The following SPTLC1 variants were observed in gnomAD, a reference collection of about 807,000 sequenced individuals.
The protein encoded by SPTLC1 is serine palmitoyltransferase long chain base subunit 1, also known as serine palmitoyltransferase 1.
Under a neutral mutation model 68.9 loss-of-function variants are expected in SPTLC1, and 55 were observed. The ratio of observed to expected loss-of-function variants is 0.80; its 90% CI spans 0.64 to 1.00. The LOEUF (loss-of-function observed/expected upper bound fraction) is 1.00, where lower values mean the gene tolerates loss of function less well. Ranked by LOEUF, SPTLC1 falls within the 50% of genes least tolerant of loss-of-function variation. The probability of loss-of-function intolerance (pLI) is 0.00; values close to 1 mark genes in which losing one functional copy is unlikely to be tolerated. For missense variants in SPTLC1, 449 were observed against 573.1 expected, an observed-to-expected ratio of 0.78 and a Z score of 2.21; for synonymous variants, 197 against 201.6, an observed-to-expected ratio of 0.98 and a Z score of 0.19.
intron 12 of SPTLC1, among the ~76,000 whole-genome samples, chr9:92,045,473 T>C (rs903201116): frequency 7.4e-5 from 9 of 120,858 alleles, no homozygotes; most frequent in Non-Finnish European, 1.4e-4. Context: ...TGTGCATATG[T>C]ACCCTAAAAC....
chr9:92,043,155 G>A (rs940000532), intron 12 of SPTLC1, among the ~76,000 whole-genome samples: 14 of 152,062 alleles, frequency 9.2e-5, no homozygotes, highest in African/African-American at 2.4e-4. Flanking sequence ...TCTACATAAC[G>A]AAGTCAAAGG....
Position 92,037,308 on chromosome 9 carries a change from C to G in SPTLC1, c.1254+940G>C, listed in dbSNP as rs189660890. 1.4e-3 allele frequency among the ~76,000 whole-genome samples: 211 copies of G among 152,332 alleles called. 1 individual carries two copies. Among genetic ancestry groups the G allele is most frequent in the African/African-American group, 3.8e-3 (160 of 41,574 alleles). On this transcript the variant is annotated intron_variant, in intron 13 of 14. Coordinates refer to ENST00000262554, the MANE Select transcript of SPTLC1 (RefSeq NM_006415.4). ...CATTATGACCCCAGAAACCTAGTAG[C>G]ATTGCTCATAGCTACAGCCTCTGGA...
chr9:92,055,791 C>T (rs1271425591), intron 7 of SPTLC1, among the ~76,000 whole-genome samples: 1 of 152,114 alleles, frequency 6.6e-6, no homozygotes, highest in Non-Finnish European at 1.5e-5. Context: ...TGGGAAGGGG[C>T]CTAAGGGACT....
chr9:92,052,188 C>G (rs1041786852), intron 8 of SPTLC1, among the ~76,000 whole-genome samples: 1 of 152,164 alleles, frequency 6.6e-6, no homozygotes, highest in African/African-American at 2.4e-5. Context: ...GATTTCAAAA[C>G]TCACTACAAA....
At chr9:92,084,796 G>C (rs1279357721) in intron 3 of SPTLC1, among the ~76,000 whole-genome samples, 1 of 151,856 alleles carries the variant, frequency 6.6e-6, no homozygotes, top group African/African-American at 2.4e-5. Flanking sequence ...CTATTGATTG[G>C]AATAGTTTCA....
chr9:92,060,033 T>A (rs893389227), intron 6 of SPTLC1, among the ~76,000 whole-genome samples: 2 of 152,092 alleles, frequency 1.3e-5, no homozygotes, highest in Non-Finnish European at 2.9e-5. Context: ...CCCCATCTCC[T>A]CCTGGGCAGT....
At chr9:92,073,767 G>C (rs895866240) in intron 5 of SPTLC1, among the ~76,000 whole-genome samples, 1 of 152,198 alleles carries the variant, frequency 6.6e-6, no homozygotes, top group Non-Finnish European at 1.5e-5. Flanking sequence ...GCTGCCAGGC[G>C]GCAGCGCGCC....
chr9:92,083,172 T>G (rs1267765590), intron 3 of SPTLC1, among the ~76,000 whole-genome samples: 1 of 152,088 alleles, frequency 6.6e-6, no homozygotes, highest in Non-Finnish European at 1.5e-5. Flanking sequence ...TGTGAAAATT[T>G]TCTCCCATTT....
Position 92,032,175 on chromosome 9 carries a change from A to G in SPTLC1, c.*290T>C, listed in dbSNP as rs766183581. 6.3e-5 allele frequency: 67 copies of G among 1,060,356 alleles called. No homozygotes were observed. Among genetic ancestry groups the G allele is most frequent in the Non-Finnish European group, 8.2e-5 (62 of 759,184 alleles). 65.7% of individuals were successfully genotyped at this position (1,060,356 alleles called of 1,614,324 possible). A position where few individuals can be genotyped will look rare whatever the true frequency, so the allele number is the denominator to read the frequency against. On this transcript the variant is annotated 3_prime_UTR_variant, in exon 15 of 15. Coordinates refer to ENST00000262554, the MANE Select transcript of SPTLC1 (RefSeq NM_006415.4). ...ACAAAAGAATATAAAATACTAGTATAAGAAAACATTTAAATAGTACTAAAT... is the reference window on the plus strand; with the variant it reads ...ACAAAAGAATATAAAATACTAGTATGAGAAAACATTTAAATAGTACTAAAT...
At chr9:92,076,043 A>C (rs1269346632) in intron 5 of SPTLC1, among the ~76,000 whole-genome samples, 6 of 152,178 alleles carry the variant, frequency 3.9e-5, no homozygotes, top group African/African-American at 1.4e-4. Context: ...TATCACTGAA[A>C]CTGCTGCACT....
Position 92,047,674 on chromosome 9 carries a change from T to G in SPTLC1, c.923A>C (p.Glu308Ala), listed in dbSNP as rs770115390. 6.2e-7 allele frequency: 1 copy of G among 1,613,448 alleles called. No homozygotes were observed. Among genetic ancestry groups the G allele is most frequent in the East Asian group, 2.2e-5 (1 of 44,860 alleles). The change falls in exon 10 of 15, where the codon GAG becomes GCG. Residue 308 changes from glutamate (E) to alanine (A), a missense_variant. Physicochemically the swap from Glu to Ala is moderately radical, Grantham distance 107. This residue lies in a region of SPTLC1 where 391 missense variants were observed against 472.1 expected (regional missense o/e 0.83). Coordinates refer to ENST00000262554, the MANE Select transcript of SPTLC1 (RefSeq NM_006415.4). ...DDIDLISANM[E>A]NALASIGGFC... is the part of the protein sequence containing the mutation. ...ACCTCCAATAGAAGCAAGTGCATTCTCCATGTTGGCACTGATAAGATCAAT... is the reference window on the plus strand; with the variant it reads ...ACCTCCAATAGAAGCAAGTGCATTCGCCATGTTGGCACTGATAAGATCAAT...
chr9:92,097,754 A>AT (rs1434240129), intron 3 of SPTLC1, among the ~76,000 whole-genome samples: 1 of 152,226 alleles, frequency 6.6e-6, no homozygotes, highest in African/African-American at 2.4e-5. Context: ...TGATAGTTGT[A>AT]TAACTCTGGG....
At chr9:92,105,362 A>G (rs1211715799) in intron 3 of SPTLC1, 2 of 1,516,864 alleles carry the variant, frequency 1.3e-6, no homozygotes, top group Admixed American at 2.0e-5. Context: ...GAGGTTGTTA[A>G]GTAGAACATC....
chr9:92,057,761 A>T (rs982351458), intron 7 of SPTLC1, among the ~76,000 whole-genome samples: 6 of 152,256 alleles, frequency 3.9e-5, no homozygotes, highest in African/African-American at 1.4e-4. Flanking sequence ...AATGAAACTG[A>T]AAATGAATAT....
At chr9:92,079,398 T>C in intron 5 of SPTLC1, 1 of 1,490,324 alleles carries the variant, frequency 6.7e-7, no homozygotes, top group Admixed American at 2.2e-5. Flanking sequence ...TAATAACATT[T>C]TCAGGAGCAA....
chr9:92,088,821 C>T lies in SPTLC1; in HGVS notation c.261-7858G>A, dbSNP rs12236475. ...GTCTCAGACCTGTGCCCCATGCAGG[C>T]TAGCAGGAATAGGTCATAATGGGCA... is the stretch of plus-strand genomic sequence containing the variant. On this transcript the variant is annotated intron_variant, in intron 3 of 14. Coordinates refer to ENST00000262554, the MANE Select transcript of SPTLC1 (RefSeq NM_006415.4). 4.3e-4 allele frequency among the ~76,000 whole-genome samples: 65 copies of T among 152,286 alleles called. No individual in the cohort carries two copies. The East Asian group carries it at 0.012, about 28-fold the overall frequency.
At chr9:92,091,339 A>C (rs536235664) in intron 3 of SPTLC1, among the ~76,000 whole-genome samples, 1 of 152,202 alleles carries the variant, frequency 6.6e-6, no homozygotes, top group Non-Finnish European at 1.5e-5. Flanking sequence ...TAAAATTTTG[A>C]GGGATAGCAA....
At position 92,068,236 on chromosome 9, in the gene SPTLC1, T is replaced by C. The variant is rs185547726; in HGVS notation, c.428-138A>G. ...CCAAAATGGAATTGTTTTTAAATGA[T>C]AGATTATACAAGATCTATTAAAATA... On this transcript the variant is annotated intron_variant, in intron 5 of 14. Coordinates refer to ENST00000262554, the MANE Select transcript of SPTLC1 (RefSeq NM_006415.4). 7.5e-6 allele frequency: 6 copies of C among 805,194 alleles called. No homozygotes were observed. In the Middle Eastern group the frequency reaches 1.1e-3, roughly 145 times the overall value. 49.9% of individuals were successfully genotyped at this position (805,194 alleles called of 1,614,324 possible).
chr9:92,050,455 T>TAAAGTG, intron 8 of SPTLC1: 1 of 276,304 alleles, frequency 3.6e-6, no homozygotes, highest in East Asian at 9.2e-5. Context: ...AGTGTCATGC[T>TAAAGTG]AAAGTGCCGT....
Sources: gnomAD v4.1 joint callset for allele counts (sites outside exome capture counted in the v4.1 genomes callset) on GRCh38, gnomAD v4.1.1 for gene constraint, gnomAD v4.1.1 regional missense constraint, MANE v1.5 for transcripts, NCBI Gene and HGNC (gene_info 2026-07-23, HGNC 2026-07-21) for gene names.